SEL1L2: variants seen among roughly 807,000 people sequenced by gnomAD.
SEL1L2 encodes the protein protein sel-1 homolog 2.
Under a neutral mutation model 98.8 loss-of-function variants are expected in SEL1L2, and 89 were observed. The observed-to-expected ratio is 0.90, with a 90% confidence interval of 0.76 to 1.07. SEL1L2 has a LOEUF of 1.07. Among genes scored for constraint, SEL1L2 ranks in the 50% least tolerant of loss-of-function variants. The pLI is 0.00. For synonymous variants in SEL1L2, 262 were observed against 278.5 expected (o/e 0.94, Z 0.59); for missense variants, 788 against 812.0 (o/e 0.97, Z 0.36).
At chr20:13,922,901 A>G (rs1250036983) in intron 3 of SEL1L2, among the ~76,000 whole-genome samples, 2 of 152,194 alleles carry the variant, frequency 1.3e-5, no homozygotes, top group African/African-American at 4.8e-5. Context: ...TGCAGCACAG[A>G]GCATAGGAAG....
intron 18 of SEL1L2, among the ~76,000 whole-genome samples, chr20:13,855,814 G>A (rs1989067506): frequency 6.6e-6 from 1 of 152,248 alleles, no homozygotes; most frequent in Admixed American, 6.5e-5. Flanking sequence ...CCACGCCCTT[G>A]CGAGAGCTAG....
rs575549360 is a variant in SEL1L2, at chr20:13,884,294, G to A, written c.957+1053C>T. Reference sequence around the variant, plus strand: ...CATGTGGCTCCTATAAATGAAAAGAGCAGCAAAATCATCTTTAAAAAAAAA... The same window carrying A: ...CATGTGGCTCCTATAAATGAAAAGAACAGCAAAATCATCTTTAAAAAAAAA... On this transcript the variant is annotated intron_variant, in intron 10 of 19. Transcript: ENST00000284951. 4.0e-5 allele frequency among the ~76,000 whole-genome samples: 6 copies of A among 151,754 alleles called. No individual in the cohort carries two copies. In the South Asian group the frequency reaches 6.2e-4, roughly 16 times the overall value.
chr20:13,927,983 G>A (rs1330512196), intron 3 of SEL1L2: 3 of 152,238 alleles, frequency 2.0e-5, no homozygotes, highest in Admixed American at 6.5e-5. Flanking sequence ...CTTACAAAAC[G>A]TTTATGAGGA....
In SEL1L2 at chr20:13,911,674, C is replaced by T. The variant is rs918442799; in HGVS notation, c.549+2108G>A. Among the ~76,000 whole-genome samples, 9 of 152,092 alleles carry T rather than the reference C, an allele frequency of 5.9e-5. 1 individual carries two copies. The highest frequency in any genetic ancestry group is 2.1e-4 in the South Asian group (1 of 4,814). The stretch of plus-strand genomic sequence containing the variant: ...ATATGGATTTTTAAAATGATGATGT[C>T]GGTCTGTATATATTAACATGGAAAG... On this transcript the variant is annotated intron_variant, in intron 5 of 19. Transcript: ENST00000284951.
At position 13,990,418 on chromosome 20, in the gene SEL1L2, C is replaced by T. The variant is rs142649040; in HGVS notation, c.58+59G>A. 2.6e-4 allele frequency: 307 copies of T among 1,199,224 alleles called. 2 individuals are homozygous for T. The East Asian group carries it at 6.4e-3, about 25-fold the overall frequency. The allele number at this position is 1,199,224 out of a possible 1,614,324, so 74.3% of individuals were successfully genotyped here. A position where few individuals can be genotyped will look rare whatever the true frequency, so the allele number is the denominator to read the frequency against. On this transcript the variant is annotated intron_variant, in intron 1 of 19. Transcript: ENST00000284951. ...TCTTTTAATTGGCTTCTGCCCTTGGCGCTGTTTGAGCAAAGAGAAGAGACC... is the reference window on the plus strand; with the variant it reads ...TCTTTTAATTGGCTTCTGCCCTTGGTGCTGTTTGAGCAAAGAGAAGAGACC...
chr20:13,953,007 A>G (rs2050345533), intron 2 of SEL1L2, among the ~76,000 whole-genome samples: 1 of 151,984 alleles, frequency 6.6e-6, no homozygotes, highest in African/African-American at 2.4e-5. Context: ...CTCTTCACTG[A>G]TAGGTAATTT....
At chr20:13,909,106 G>A (rs748321972) in intron 5 of SEL1L2, among the ~76,000 whole-genome samples, 3 of 148,580 alleles carry the variant, frequency 2.0e-5, no homozygotes, top group South Asian at 2.1e-4. Flanking sequence ...TCTCAGTCTC[G>A]CTCTCTCTCT....
At chr20:13,939,322 C>T (rs899315114) in intron 2 of SEL1L2, among the ~76,000 whole-genome samples, 8 of 151,932 alleles carry the variant, frequency 5.3e-5, no homozygotes, top group African/African-American at 1.7e-4. Context: ...GGATTACAGG[C>T]GTGAGCCACC....
At chr20:13,879,867 A>G (rs753005747) in intron 10 of SEL1L2, among the ~76,000 whole-genome samples, 5 of 152,206 alleles carry the variant, frequency 3.3e-5, no homozygotes, top group Non-Finnish European at 7.3e-5. Flanking sequence ...AGCCATGACC[A>G]AAATATGTCC....
intron 1 of SEL1L2, among the ~76,000 whole-genome samples, chr20:13,958,769 T>C (rs2050654118): frequency 6.7e-6 from 1 of 150,362 alleles, no homozygotes; most frequent in Non-Finnish European, 1.5e-5. Context: ...AGCCCATCTC[T>C]ACTAAAAATA....
chr20:13,862,074 C>T (rs1009602227), intron 17 of SEL1L2, among the ~76,000 whole-genome samples: 2 of 152,164 alleles, frequency 1.3e-5, no homozygotes, highest in Admixed American at 1.3e-4. Context: ...TGAGGACAAG[C>T]ACCTTGAACT....
intron 3 of SEL1L2, among the ~76,000 whole-genome samples, chr20:13,920,795 C>T (rs555076057): frequency 1.3e-5 from 2 of 152,018 alleles, no homozygotes; most frequent in Non-Finnish European, 2.9e-5. Context: ...CAGAGTTGCT[C>T]ATTTTTCTTT....
intron 1 of SEL1L2, among the ~76,000 whole-genome samples, chr20:13,960,918 AATAT>A (rs907081998): frequency 6.6e-6 from 1 of 152,176 alleles, no homozygotes; most frequent in African/African-American, 2.4e-5. Context: ...TGAATAAATA[AATAT>A]ATATAATAGC....
intron 5 of SEL1L2, among the ~76,000 whole-genome samples, chr20:13,899,378 T>C (rs955845199): frequency 3.3e-5 from 5 of 152,224 alleles, no homozygotes; most frequent in South Asian, 2.1e-4. Context: ...CAGAAACAAA[T>C]GTTGAATTTT....
chr20:13,886,016 G>A (rs1245426664), intron 9 of SEL1L2, among the ~76,000 whole-genome samples: 5 of 150,154 alleles, frequency 3.3e-5, no homozygotes, highest in African/African-American at 9.8e-5. Context: ...CAGCCCGGGC[G>A]ACAGAGTGAG....
chr20:13,976,498 C>T (rs1285958845), intron 1 of SEL1L2, among the ~76,000 whole-genome samples: 2 of 152,092 alleles, frequency 1.3e-5, no homozygotes, highest in Non-Finnish European at 2.9e-5. Flanking sequence ...GGAGAGTTAG[C>T]TAGGTATACT....
At chr20:13,931,491 G>T in intron 3 of SEL1L2, 112 bp downstream of exon 3, 1 of 585,162 alleles carries the variant, frequency 1.7e-6, no homozygotes, top group African/African-American at 1.9e-5. Flanking sequence ...GCTTTTGTGT[G>T]TATAAATATT....
At chr20:13,856,986 T>G (rs552202224) in intron 18 of SEL1L2, among the ~76,000 whole-genome samples, 1 of 152,350 alleles carries the variant, frequency 6.6e-6, no homozygotes, top group African/African-American at 2.4e-5. Flanking sequence ...GAACAAGCTT[T>G]GGGCTTTTAA....
intron 2 of SEL1L2, among the ~76,000 whole-genome samples, chr20:13,932,244 A>C (rs1413738103): frequency 1.3e-5 from 2 of 152,148 alleles, no homozygotes; most frequent in African/African-American, 2.4e-5. Context: ...AATTACAATT[A>C]ATCTTTTTTA....
Sources: gnomAD v4.1 joint callset for allele counts (sites outside exome capture counted in the v4.1 genomes callset) on GRCh38, gnomAD v4.1.1 for gene constraint, MANE v1.5 for transcripts, NCBI Gene and HGNC (gene_info 2026-07-23, HGNC 2026-07-21) for gene names.